The following ATP10A variants were observed in gnomAD, a reference collection of about 807,000 sequenced individuals.
The protein encoded by ATP10A is phospholipid-transporting ATPase VA.
A neutral mutation model predicts 147.8 loss-of-function variants in ATP10A; 111 were observed. The observed-to-expected ratio is 0.75, with a 90% CI of 0.64 to 0.88. The LOEUF is 0.88. ATP10A is among the 40% of genes least tolerant of loss of function. The pLI, the probability that ATP10A is intolerant of heterozygous loss-of-function variation, is 0.00. For synonymous variants in ATP10A, 875 were observed against 841.6 expected (o/e 1.04, Z -0.69); for missense variants, 1,927 against 1,959.0 (o/e 0.98, Z 0.31).
At chr15:25,822,830 C>A (rs970615654) in intron 1 of ATP10A, among the ~76,000 whole-genome samples, 1 of 152,146 alleles carries the variant, frequency 6.6e-6, no homozygotes, top group Admixed American at 6.5e-5. Context: ...TGCAGTAAGT[C>A]AAAGTTTTAG....
At chr15:25,680,707 T>C (rs1899355365) in intron 19 of ATP10A, 103 bp downstream of exon 19, 1 of 1,070,774 alleles carries the variant, frequency 9.3e-7, no homozygotes, top group Non-Finnish European at 1.4e-6. Context: ...TGCAGTCTCC[T>C]GTCTACTCAA....
rs371931631 is a variant in ATP10A at position 25,862,953 on chromosome 15, C to G, written c.144G>C (p.Glu48Asp). ...EDPAAGAAKG[E>D]RRRRRGCAQH... ...GGGCACACCCGCGCCGCCGTCGCCGCTCGCCCTTGGCCGCGCCAGCCGCAG... is the reference window on the plus strand; with the variant it reads ...GGGCACACCCGCGCCGCCGTCGCCGGTCGCCCTTGGCCGCGCCAGCCGCAG... Residue 48 changes from glutamate to aspartate, a missense_variant, in exon 1 of 21, where the codon GAG becomes GAC. Coordinates refer to ENST00000555815, the MANE Select transcript of ATP10A (RefSeq NM_024490.4). 5 of 1,563,026 alleles carry G rather than the reference C, an allele frequency of 3.2e-6. No individual in the cohort carries two copies. Among genetic ancestry groups the G allele is most frequent in the Non-Finnish European group, 4.3e-6 (5 of 1,160,774 alleles).
chr15:25,685,951 G>A (rs1322442719), intron 16 of ATP10A, among the ~76,000 whole-genome samples: 5 of 152,142 alleles, frequency 3.3e-5, no homozygotes, highest in South Asian at 2.1e-4. Context: ...TCCTTCGGGA[G>A]CTGAGAACCT....
intron 1 of ATP10A, among the ~76,000 whole-genome samples, chr15:25,834,533 C>T (rs371101351): frequency 6.6e-6 from 1 of 152,300 alleles, no homozygotes; most frequent in Admixed American, 6.5e-5. Flanking sequence ...GTGGAACCCT[C>T]GGAGAACTGC....
chr15:25,837,177 C>T (rs1358265481), intron 1 of ATP10A, among the ~76,000 whole-genome samples: 1 of 152,146 alleles, frequency 6.6e-6, no homozygotes, highest in Non-Finnish European at 1.5e-5. Context: ...AGTCCTCATG[C>T]TGTGCATTAG....
At chr15:25,749,006 T>G (rs1178515773) in intron 2 of ATP10A, among the ~76,000 whole-genome samples, 1 of 132,772 alleles carries the variant, frequency 7.5e-6, no homozygotes, top group African/African-American at 2.9e-5. Context: ...GAGGTTGCAA[T>G]GAGCCAAGAT....
intron 16 of ATP10A, 199 bp from the exon 17 acceptor site, chr15:25,683,685 C>T (rs905224403): frequency 3.4e-6 from 2 of 592,870 alleles, no homozygotes; most frequent in African/African-American, 1.9e-5. Flanking sequence ...CCTTCGCCCT[C>T]CTCACTCCCT....
intron 2 of ATP10A, 30 bp downstream of exon 2, chr15:25,780,989 T>C (rs200856674): frequency 1.2e-6 from 2 of 1,609,678 alleles, no homozygotes; most frequent in East Asian, 2.2e-5. Flanking sequence ...CTGTAATGCC[T>C]GCAAGGCCCT....
intron 1 of ATP10A, among the ~76,000 whole-genome samples, chr15:25,830,029 G>A (rs1373088359): frequency 1.3e-5 from 2 of 152,152 alleles, no homozygotes; most frequent in Non-Finnish European, 2.9e-5. Flanking sequence ...AAGCTAGGAG[G>A]CCTCGGTCAC....
Position 25,727,011 on chromosome 15 carries a change from C to A in ATP10A, c.847+149G>T, listed in dbSNP as rs565612529. 3,502 of 550,830 alleles carry A rather than the reference C, an allele frequency of 6.4e-3. 22 individuals carry two copies. The highest frequency in any genetic ancestry group is 7.6e-3 in the Non-Finnish European group (2,404 of 316,578). 34.1% of individuals were successfully genotyped at this position (550,830 alleles called of 1,614,324 possible). A position where few individuals can be genotyped will look rare whatever the true frequency, so the allele number is the denominator to read the frequency against. ...GGCGGAGCTTGCAGTGAGCCGAGATCGCGCCACTGCACTCCAGCCTGGGCG... is the reference window on the plus strand; with the variant it reads ...GGCGGAGCTTGCAGTGAGCCGAGATAGCGCCACTGCACTCCAGCCTGGGCG... On this transcript the variant is annotated intron_variant, in intron 4 of 20. Coordinates refer to ENST00000555815, the MANE Select transcript of ATP10A (RefSeq NM_024490.4).
chr15:25,780,917 TGACA>T, intron 2 of ATP10A, 98 bp downstream of exon 2: 5 of 1,318,886 alleles, frequency 3.8e-6, no homozygotes, highest in Non-Finnish European at 3.2e-6. Context: ...CAGCCTGGTC[TGACA>T]GACAGGAAAA....
chr15:25,845,373 G>T (rs1010796856), intron 1 of ATP10A, among the ~76,000 whole-genome samples: 3 of 151,810 alleles, frequency 2.0e-5, no homozygotes, highest in African/African-American at 7.3e-5. Context: ...CCTGGGTGAT[G>T]GCCGAAGTTA....
chr15:25,825,153 A>T (rs559293374), intron 1 of ATP10A, among the ~76,000 whole-genome samples: 1 of 152,266 alleles, frequency 6.6e-6, no homozygotes, highest in Non-Finnish European at 1.5e-5. Flanking sequence ...TCCCATTCAC[A>T]AGTCTGTGTT....
chr15:25,731,038 G>C (rs59815511), intron 3 of ATP10A, among the ~76,000 whole-genome samples: 2,097 of 152,310 alleles, frequency 0.014, 55 homozygotes, highest in African/African-American at 0.048. Context: ...CAGGCAGGAG[G>C]GGGCAGGGAC....
chr15:25,784,893 G>A (rs770324534), intron 1 of ATP10A, among the ~76,000 whole-genome samples: 3 of 151,328 alleles, frequency 2.0e-5, no homozygotes, highest in Non-Finnish European at 4.4e-5. Flanking sequence ...CTGCACTCCA[G>A]CCTGGGTGAC....
intron 1 of ATP10A, among the ~76,000 whole-genome samples, chr15:25,834,983 C>T (rs1265742344): frequency 6.6e-6 from 1 of 152,094 alleles, no homozygotes; most frequent in Non-Finnish European, 1.5e-5. Flanking sequence ...ATGTGCTAGG[C>T]CAGGTGCAGT....
chr15:25,801,909 C>T (rs1890956687), intron 1 of ATP10A, among the ~76,000 whole-genome samples: 1 of 152,172 alleles, frequency 6.6e-6, no homozygotes, highest in Non-Finnish European at 1.5e-5. Flanking sequence ...CAGCTGGCCA[C>T]CTGCACCCTA....
intron 1 of ATP10A, among the ~76,000 whole-genome samples, chr15:25,845,642 C>A (rs1425929269): frequency 6.6e-6 from 1 of 152,162 alleles, no homozygotes; most frequent in African/African-American, 2.4e-5. Context: ...AGTAAACACC[C>A]AGCCAGGGCC....
intron 1 of ATP10A, among the ~76,000 whole-genome samples, chr15:25,797,441 C>T (rs926670379): frequency 4.6e-5 from 7 of 152,196 alleles, no homozygotes; most frequent in African/African-American, 1.7e-4. Flanking sequence ...GCCCCTGGCC[C>T]CTGCCCCCAC....
Sources: allele counts gnomAD v4.1 joint callset (sites outside exome capture counted in the v4.1 genomes callset), GRCh38; gene constraint gnomAD v4.1.1; transcripts MANE v1.5; gene names NCBI Gene and HGNC (gene_info 2026-07-23, HGNC 2026-07-21).